The following AMMECR1L variants were observed in gnomAD, a reference collection of about 807,000 sequenced individuals.
The protein encoded by AMMECR1L is AMMECR1 like, also known as AMMECR1-like protein.
A neutral mutation model predicts 36.8 loss-of-function variants in AMMECR1L; 4 were observed. The ratio of observed to expected loss-of-function variants is 0.11; its 90% CI spans 0.05 to 0.25. The LOEUF (loss-of-function observed/expected upper bound fraction) is 0.25. Among genes scored for constraint, AMMECR1L ranks in the 10% least tolerant of loss-of-function variants. AMMECR1L has a pLI of 1.00. For missense variants in AMMECR1L, 232 were observed against 392.1 expected (o/e 0.59, Z 3.45); for synonymous variants, 147 against 148.0 (o/e 0.99, Z 0.05).
rs1357148150 is a variant in AMMECR1L at position 127,865,617 on chromosome 2, G to A, written c.822-412C>T. ...CAGAGTAAATGTGATACATTTGACA[G>A]AAATGCAACCTCAATTCGCGTAAGA... On this transcript the variant is annotated intron_variant, in intron 7 of 7. Transcript: ENST00000272647. This position sits in a 1 kb window ranked among gnomAD's most constrained non-coding sequence, Gnocchi z 5.4. Among the ~76,000 whole-genome samples the A allele has an allele frequency of 6.6e-6, 1 of 152,234 alleles. No homozygotes were observed. Among genetic ancestry groups the A allele is most frequent in the Non-Finnish European group, 1.5e-5 (1 of 68,048 alleles).
At position 127,865,088 on chromosome 2, in the gene AMMECR1L, C is replaced by T. The variant is rs370322004; in HGVS notation, c.*6G>A. ...GGGGGGGTGGGACTGGTCATGCAGC[C>T]GTGTGTCAGGAGTAATGATTGTAGA... On this transcript the variant is annotated 3_prime_UTR_variant, in exon 8 of 8. Transcript: ENST00000272647. The surrounding 1 kb of genome is among the most constrained non-coding windows in gnomAD (Gnocchi z 5.4). 51 of 1,609,198 alleles carry T rather than the reference C, an allele frequency of 3.2e-5. 1 individual carries two copies. The African/African-American group carries it at 5.8e-4, about 18-fold the overall frequency.
chr2:127,878,956 G>C (rs1284645974), intron 2 of AMMECR1L, among the ~76,000 whole-genome samples: 1 of 152,116 alleles, frequency 6.6e-6, no homozygotes, highest in Admixed American at 6.5e-5. Context: ...GACCAAAGTG[G>C]AGAAAATAGT....
intron 7 of AMMECR1L, 117 bp downstream of exon 7, chr2:127,866,781 CCA>C: frequency 1.0e-6 from 1 of 985,090 alleles, no homozygotes; most frequent in Non-Finnish European, 1.5e-6. Context: ...TGAACTTCAC[CCA>C]CACTTCTTTG....
intron 2 of AMMECR1L, among the ~76,000 whole-genome samples, chr2:127,878,506 T>C (rs1392397582): frequency 2.1e-5 from 3 of 140,172 alleles, no homozygotes; most frequent in Non-Finnish European, 3.2e-5. Flanking sequence ...TGTCGTGAGA[T>C]AGAGGCAACA....
At position 127,864,245 on chromosome 2, in the gene AMMECR1L, A is replaced by AG. The variant is rs1461975287; in HGVS notation, c.*848dup. The AG allele has an allele frequency of 6.5e-6, 1 of 152,712 alleles. No homozygotes were observed. Among genetic ancestry groups the AG allele is most frequent in the East Asian group, 1.9e-4 (1 of 5,200 alleles). The allele number at this position is 152,712 out of a possible 1,614,324, so 9.5% of individuals were successfully genotyped here. A position where few individuals can be genotyped will look rare whatever the true frequency, so the allele number is the denominator to read the frequency against. On this transcript the variant is annotated 3_prime_UTR_variant, in exon 8 of 8. Transcript: ENST00000272647. ...CTATAGGCACTGCTACCAGCAGAGGAGTGAGGTAGCCAGGCGGTGCAGAAG... is the reference window on the plus strand; with the variant it reads ...CTATAGGCACTGCTACCAGCAGAGGAGGTGAGGTAGCCAGGCGGTGCAGAAG...
At chr2:127,885,362 A>G (rs1277963730) in intron 1 of AMMECR1L, 1 of 978,374 alleles carries the variant, frequency 1.0e-6, no homozygotes, top group East Asian at 1.2e-4. Context: ...CGACGGGTAG[A>G]GCAGCTTGGG....
intron 2 of AMMECR1L, among the ~76,000 whole-genome samples, chr2:127,878,123 T>C (rs1691331884): frequency 6.6e-6 from 1 of 152,122 alleles, no homozygotes; most frequent in Non-Finnish European, 1.5e-5. Flanking sequence ...ATCTAACAGC[T>C]TATAGAATCT....
At chr2:127,880,556 A>G (rs1335002766) in intron 2 of AMMECR1L, among the ~76,000 whole-genome samples, 1 of 151,886 alleles carries the variant, frequency 6.6e-6, no homozygotes, top group African/African-American at 2.4e-5. Context: ...GTACACACTC[A>G]AGGGGGCCCT....
chr2:127,867,339 G>A (rs1690735459), intron 6 of AMMECR1L: 1 of 979,764 alleles, frequency 1.0e-6, no homozygotes, highest in South Asian at 4.7e-5. Context: ...GGTACCCAAG[G>A]CTGCTCTGTG....
intron 2 of AMMECR1L, among the ~76,000 whole-genome samples, chr2:127,875,369 AAGAG>A (rs958995454): frequency 2.6e-5 from 4 of 152,226 alleles, no homozygotes; most frequent in Admixed American, 6.5e-5. Context: ...TTTGGCTGGA[AAGAG>A]AGAGAAAGAA....
chr2:127,881,959 G>A (rs1332455844), intron 2 of AMMECR1L, among the ~76,000 whole-genome samples: 1 of 152,202 alleles, frequency 6.6e-6, no homozygotes. Context: ...TGGCTGCCTT[G>A]AGAGTTGTAC....
chr2:127,872,870 A>G (rs1369966383), intron 3 of AMMECR1L: 1 of 484,570 alleles, frequency 2.1e-6, no homozygotes, highest in Non-Finnish European at 2.7e-6. Context: ...TAACCATGTT[A>G]CCCCAGGGTG....
rs915183783 is a variant in AMMECR1L at position 127,863,585 on chromosome 2, T to C, written c.*1509A>G. 6.6e-6 allele frequency: 1 copy of C among 152,658 alleles called. No homozygotes were observed. Among genetic ancestry groups the C allele is most frequent in the African/African-American group, 2.4e-5 (1 of 41,468 alleles). The allele number at this position is 152,658 out of a possible 1,614,324, so 9.5% of individuals were successfully genotyped here. A position where few individuals can be genotyped will look rare whatever the true frequency, so the allele number is the denominator to read the frequency against. On this transcript the variant is annotated 3_prime_UTR_variant, in exon 8 of 8. Transcript: ENST00000272647. The stretch of plus-strand genomic sequence containing the variant: ...TTCGGAAAGCCACACCATCACCACA[T>C]AAACTTCAAAAAATAAATTAAATAA...
chr2:127,874,827 C>T lies in AMMECR1L; in HGVS notation c.-38-555G>A, dbSNP rs982501546. On this transcript the variant is annotated intron_variant, in intron 2 of 7. Coordinates refer to ENST00000272647, the MANE Select transcript of AMMECR1L (RefSeq NM_001199140.2). This position sits in a 1 kb window ranked among gnomAD's most constrained non-coding sequence, Gnocchi z 5.2. ...GTTGGCTGTCACTCTGAAGAGGGCA[C>T]ATCTTCTAACACAAGGCTCCCACCT... is the stretch of plus-strand genomic sequence containing the variant. 6.6e-6 allele frequency among the ~76,000 whole-genome samples: 1 copy of T among 152,216 alleles called. No homozygotes were observed. The highest frequency in any genetic ancestry group is 1.5e-5 in the Non-Finnish European group (1 of 68,044).
chr2:127,864,625 A>T lies in AMMECR1L; in HGVS notation c.*469T>A, dbSNP rs1690604433. The T allele has an allele frequency of 6.6e-6, 1 of 152,412 alleles. No individual in the cohort carries two copies. The highest frequency in any genetic ancestry group is 2.4e-5 in the African/African-American group (1 of 41,382). 9.4% of individuals were successfully genotyped at this position (152,412 alleles called of 1,614,324 possible). A position where few individuals can be genotyped will look rare whatever the true frequency, so the allele number is the denominator to read the frequency against. On this transcript the variant is annotated 3_prime_UTR_variant, in exon 8 of 8. Transcript: ENST00000272647. ...TTGGTACGCAATAAACTGGAAGTTT[A>T]AAAAAAGGAATTTAAAACAACCTAA...
chr2:127,875,210 TA>T (rs1219267697), intron 2 of AMMECR1L, among the ~76,000 whole-genome samples: 1 of 152,140 alleles, frequency 6.6e-6, no homozygotes, highest in Admixed American at 6.6e-5. Flanking sequence ...TGTATAGCCA[TA>T]ACACAACTAA....
chr2:127,883,219 C>A (rs538434701), intron 2 of AMMECR1L, among the ~76,000 whole-genome samples: 2 of 151,982 alleles, frequency 1.3e-5, no homozygotes, highest in Non-Finnish European at 1.5e-5. Flanking sequence ...GCCTCAGCCT[C>A]CCAAGTAGCT....
rs1430270680 is a variant in AMMECR1L, at chr2:127,874,545, G to A, written c.-38-273C>T. On this transcript the variant is annotated intron_variant, in intron 2 of 7. Coordinates refer to ENST00000272647, the MANE Select transcript of AMMECR1L (RefSeq NM_001199140.2). The surrounding 1 kb of genome is among the most constrained non-coding windows in gnomAD (Gnocchi z 5.2). ...AAGAGTCCCCAGGGCAGAAGACAGG[G>A]TGGGGCACCAGCCAGCGTGAAGCTG... 4.6e-5 allele frequency among the ~76,000 whole-genome samples: 7 copies of A among 152,310 alleles called. No homozygotes were observed. Among genetic ancestry groups the A allele is most frequent in the African/African-American group, 1.7e-4 (7 of 41,566 alleles).
chr2:127,873,306 A>G lies in AMMECR1L; in HGVS notation c.407+522T>C. 1 of 985,486 alleles carries G rather than the reference A, an allele frequency of 1.0e-6. No individual in the cohort carries two copies. Among genetic ancestry groups the G allele is most frequent in the Non-Finnish European group, 1.2e-6 (1 of 829,940 alleles). The allele number at this position is 985,486 out of a possible 1,614,324, so 61.0% of individuals were successfully genotyped here. ...AGCAACAAAGAATCTTGAACTAAAA[A>G]TACTGAAGCAGATTCTGACTTCTTG... On this transcript the variant is annotated intron_variant, in intron 3 of 7. Coordinates refer to ENST00000272647, the MANE Select transcript of AMMECR1L (RefSeq NM_001199140.2). The surrounding 1 kb of genome is among the most constrained non-coding windows in gnomAD (Gnocchi z 5.2).
Sources: allele counts gnomAD v4.1 joint callset (sites outside exome capture counted in the v4.1 genomes callset), GRCh38; gene constraint gnomAD v4.1.1; non-coding constraint Gnocchi (gnomAD v3.1); transcripts MANE v1.5; gene names NCBI Gene and HGNC (gene_info 2026-07-23, HGNC 2026-07-21).